RNF144A: variants seen among roughly 807,000 people sequenced by gnomAD.
RNF144A encodes E3 ubiquitin-protein ligase RNF144A.
RNF144A carries 11 observed loss-of-function variants against 38.7 expected under a neutral mutation model. That is an observed-to-expected ratio of 0.28 (90% CI 0.18 to 0.47). The LOEUF (loss-of-function observed/expected upper bound fraction) is 0.47. RNF144A is among the 20% of genes least tolerant of loss of function. RNF144A has a pLI of 0.99. For missense variants in RNF144A, 316 were observed against 377.2 expected, an observed-to-expected ratio of 0.84 and a Z score of 1.34; for synonymous variants, 149 against 143.9, an observed-to-expected ratio of 1.04 and a Z score of -0.25.
intron 5 of RNF144A, among the ~76,000 whole-genome samples, chr2:7,018,736 G>T (rs1450169509): frequency 6.6e-6 from 1 of 152,240 alleles, no homozygotes; most frequent in Non-Finnish European, 1.5e-5. Context: ...TCAGTATGAG[G>T]AGCATCCTGG....
chr2:7,053,205 T>C (rs2103474567), intron 6 of RNF144A, among the ~76,000 whole-genome samples: 1 of 152,336 alleles, frequency 6.6e-6, no homozygotes, highest in East Asian at 1.9e-4. Flanking sequence ...ACCAGAAGCA[T>C]GAGCATTGCC....
chr2:7,051,358 G>T (rs961470695), intron 6 of RNF144A, among the ~76,000 whole-genome samples: 6 of 152,184 alleles, frequency 3.9e-5, no homozygotes, highest in Non-Finnish European at 5.9e-5. Flanking sequence ...GAGCGGTAAG[G>T]GACAGAGGGG....
intron 2 of RNF144A, among the ~76,000 whole-genome samples, chr2:6,996,538 A>AG (rs1249053483): frequency 1.3e-5 from 2 of 152,166 alleles, no homozygotes; most frequent in Non-Finnish European, 1.5e-5. Context: ...GGGGATCATG[A>AG]GGTCAGGAGA....
chr2:7,032,674 A>G (rs1175743713), intron 8 of RNF144A, among the ~76,000 whole-genome samples: 1 of 152,082 alleles, frequency 6.6e-6, no homozygotes, highest in Non-Finnish European at 1.5e-5. Context: ...CATTGTCCAA[A>G]TCCCCCCTTT....
chr2:7,041,997 C>T lies in RNF144A; in HGVS notation c.*2237C>T, dbSNP rs909159259. ...GTGTTTCACAAGCACGTAGTTCAACCCAGATAGGGACCACAGAGATTCTGG... is the reference window on the plus strand; with the variant it reads ...GTGTTTCACAAGCACGTAGTTCAACTCAGATAGGGACCACAGAGATTCTGG... On this transcript the variant is annotated 3_prime_UTR_variant, in exon 9 of 9. Transcript: ENST00000320892. The T allele has an allele frequency of 1.7e-5, 17 of 985,260 alleles. No homozygotes were observed. The highest frequency in any genetic ancestry group is 5.2e-4 in the Middle Eastern group (1 of 1,938). 61.0% of individuals were successfully genotyped at this position (985,260 alleles called of 1,614,324 possible).
intron 6 of RNF144A, among the ~76,000 whole-genome samples, chr2:7,054,931 C>G (rs1673672386): frequency 4.6e-5 from 7 of 152,238 alleles, no homozygotes; most frequent in Admixed American, 4.6e-4. Flanking sequence ...TTTTTAACCA[C>G]TGTCCCTAGC....
chr2:6,991,260 C>G (rs1669354509), intron 2 of RNF144A, among the ~76,000 whole-genome samples: 1 of 152,174 alleles, frequency 6.6e-6, no homozygotes, highest in South Asian at 2.1e-4. Flanking sequence ...TGGGAGGAGA[C>G]AGCGTCCAAG....
At chr2:7,009,052 G>T (rs568145797) in intron 3 of RNF144A, among the ~76,000 whole-genome samples, 2 of 152,158 alleles carry the variant, frequency 1.3e-5, no homozygotes, top group South Asian at 4.2e-4. Flanking sequence ...GGCCACAGAG[G>T]CATTACCCCT....
At chr2:7,066,605 G>A (rs1674235161) in intron 6 of RNF144A, among the ~76,000 whole-genome samples, 1 of 152,174 alleles carries the variant, frequency 6.6e-6, no homozygotes, top group Admixed American at 6.5e-5. Flanking sequence ...GAAAACACTG[G>A]ATATATTATG....
At chr2:6,968,255 C>T (rs951757023) in intron 2 of RNF144A, among the ~76,000 whole-genome samples, 5 of 152,206 alleles carry the variant, frequency 3.3e-5, no homozygotes, top group South Asian at 4.1e-4. Flanking sequence ...TCTGGTGTTC[C>T]GTATTTGCAT....
rs2103462557 is a variant in RNF144A at position 7,040,118 on chromosome 2, G to A, written c.*358G>A. ...CTCCTTGGCTTCTAGATGGCACCAT[G>A]TTGTCAGAGAAGTCTTTTAAGGACT... On this transcript the variant is annotated 3_prime_UTR_variant, in exon 9 of 9. Coordinates refer to ENST00000320892, the MANE Select transcript of RNF144A (RefSeq NM_014746.6). 9.8e-7 allele frequency: 1 copy of A among 1,018,152 alleles called. No homozygotes were observed. The highest frequency in any genetic ancestry group is 9.9e-5 in the East Asian group (1 of 10,118). The allele number at this position is 1,018,152 out of a possible 1,614,324, so 63.1% of individuals were successfully genotyped here.
chr2:7,018,949 TG>T (rs995531226), intron 5 of RNF144A, among the ~76,000 whole-genome samples: 2 of 151,722 alleles, frequency 1.3e-5, no homozygotes, highest in African/African-American at 4.8e-5. Flanking sequence ...CCATGGCTAG[TG>T]GGCCAAATCC....
chr2:6,926,167 G>A (rs142739865), intron 1 of RNF144A, among the ~76,000 whole-genome samples: 10 of 152,342 alleles, frequency 6.6e-5, no homozygotes, highest in East Asian at 3.9e-4. Flanking sequence ...CATGCAAAAG[G>A]GCTGGCCACA....
intron 2 of RNF144A, among the ~76,000 whole-genome samples, chr2:6,981,131 C>T (rs1668607237): frequency 6.6e-6 from 1 of 152,178 alleles, no homozygotes; most frequent in African/African-American, 2.4e-5. Flanking sequence ...CCTTCTACAC[C>T]TCCAGGCCTG....
At chr2:6,972,932 C>T (rs1264733913) in intron 2 of RNF144A, among the ~76,000 whole-genome samples, 1 of 152,182 alleles carries the variant, frequency 6.6e-6, no homozygotes, top group Admixed American at 6.5e-5. Context: ...GAGATGGTCA[C>T]GTTTATGGTT....
chr2:6,923,546 A>T (rs1384220838), intron 1 of RNF144A, among the ~76,000 whole-genome samples: 2 of 152,188 alleles, frequency 1.3e-5, no homozygotes, highest in Non-Finnish European at 2.9e-5. Context: ...CAGCTTCCTA[A>T]TGATTCTTGA....
At chr2:7,051,535 C>T (rs960048337) in intron 6 of RNF144A, among the ~76,000 whole-genome samples, 2 of 152,072 alleles carry the variant, frequency 1.3e-5, no homozygotes, top group Admixed American at 6.6e-5. Flanking sequence ...AAAGGAGCAG[C>T]GAAGAGGAGA....
In RNF144A at chr2:7,041,399, T is replaced by G; in HGVS notation, c.*1639T>G. 4 of 985,890 alleles carry G rather than the reference T, an allele frequency of 4.1e-6. No homozygotes were observed. Among genetic ancestry groups the G allele is most frequent in the Non-Finnish European group, 4.8e-6 (4 of 829,936 alleles). The allele number at this position is 985,890 out of a possible 1,614,324, so 61.1% of individuals were successfully genotyped here. A position where few individuals can be genotyped will look rare whatever the true frequency, so the allele number is the denominator to read the frequency against. On this transcript the variant is annotated 3_prime_UTR_variant, in exon 9 of 9. Transcript: ENST00000320892. The stretch of plus-strand genomic sequence containing the variant: ...CTTCACCTGTCATGTTGATTTTCCT[T>G]ATGAACCCGAAGCCATTTAGAAAAT...
In RNF144A at chr2:6,919,018, G is replaced by T. The variant is rs569814113; in HGVS notation, c.-212+1396G>T. ...GAATGGGGCTGGGGTTGAGAGTTGAGCCTGGCAGATAAGATGGATTTGTAA... is the reference window on the plus strand; with the variant it reads ...GAATGGGGCTGGGGTTGAGAGTTGATCCTGGCAGATAAGATGGATTTGTAA... On this transcript the variant is annotated intron_variant, in intron 1 of 8. Coordinates refer to ENST00000320892, the MANE Select transcript of RNF144A (RefSeq NM_014746.6). 6.6e-5 allele frequency among the ~76,000 whole-genome samples: 10 copies of T among 152,350 alleles called. No individual in the cohort carries two copies. The South Asian group carries it at 2.1e-3, about 32-fold the overall frequency.
Sources: gnomAD v4.1 joint callset for allele counts (sites outside exome capture counted in the v4.1 genomes callset) on GRCh38, gnomAD v4.1.1 for gene constraint, MANE v1.5 for transcripts, NCBI Gene and HGNC (gene_info 2026-07-23, HGNC 2026-07-21) for gene names.